DPH6: variants seen among roughly 807,000 people sequenced by gnomAD.
DPH6 encodes diphthine--ammonia ligase.
A neutral mutation model predicts 38.2 loss-of-function variants in DPH6; 33 were observed. That is an observed-to-expected ratio of 0.86 (90% CI 0.65 to 1.15). The LOEUF (loss-of-function observed/expected upper bound fraction) is 1.15, where lower values mean the gene tolerates loss of function less well. DPH6 is among the 50% of genes most tolerant of loss of function. The pLI is 0.00. For synonymous variants in DPH6, 108 were observed against 103.0 expected (o/e 1.05, Z -0.30); for missense variants, 325 against 320.0 (o/e 1.02, Z -0.12).
intron 5 of DPH6, among the ~76,000 whole-genome samples, chr15:35,424,093 T>C (rs2053539581): frequency 2.0e-5 from 3 of 151,658 alleles, no homozygotes; most frequent in African/African-American, 7.2e-5. Context: ...TCTATTTTTA[T>C]AAAGAATGCC....
intron 3 of DPH6, among the ~76,000 whole-genome samples, chr15:35,236,171 C>T (rs2051549494): frequency 1.3e-5 from 2 of 152,146 alleles, no homozygotes; most frequent in South Asian, 2.1e-4. Context: ...ATAATTATTT[C>T]ATTTTGTAAA....
At chr15:35,444,732 T>A (rs2053828982) in intron 5 of DPH6, among the ~76,000 whole-genome samples, 2 of 152,212 alleles carry the variant, frequency 1.3e-5, no homozygotes, top group Non-Finnish European at 2.9e-5. Context: ...AAAGCTTTCT[T>A]GTCCCTCTAG....
chr15:35,390,094 T>C (rs1043355571), intron 6 of DPH6, among the ~76,000 whole-genome samples: 1 of 152,140 alleles, frequency 6.6e-6, no homozygotes, highest in Non-Finnish European at 1.5e-5. Context: ...TTTCTCCTTC[T>C]CTTATGAAGC....
the DPH6 span, among the ~76,000 whole-genome samples, chr15:35,209,218 ATAT>A: frequency 6.6e-6 from 1 of 152,154 alleles, no homozygotes; most frequent in African/African-American, 2.4e-5. Flanking sequence ...TAGGTAGATA[ATAT>A]TATCTGCAAA....
At chr15:35,208,872 G>A in the DPH6 span, among the ~76,000 whole-genome samples, 1 of 151,948 alleles carries the variant, frequency 6.6e-6, no homozygotes, top group Non-Finnish European at 1.5e-5. Flanking sequence ...TATTCCATGG[G>A]AGACTTGATT....
At chr15:35,200,959 C>T in the DPH6 span, among the ~76,000 whole-genome samples, 1 of 146,272 alleles carries the variant, frequency 6.8e-6, no homozygotes, top group African/African-American at 2.5e-5. Flanking sequence ...ACTAAAATCA[C>T]CTGCAATTAT....
At chr15:35,484,504 T>C (rs2054370554) in intron 3 of DPH6, among the ~76,000 whole-genome samples, 1 of 152,196 alleles carries the variant, frequency 6.6e-6, no homozygotes, top group Non-Finnish European at 1.5e-5. Flanking sequence ...CAGTTCCTTG[T>C]GGTCTGTTGG....
At chr15:35,391,224 T>G (rs2053051946) in intron 6 of DPH6, among the ~76,000 whole-genome samples, 1 of 152,120 alleles carries the variant, frequency 6.6e-6, no homozygotes, top group African/African-American at 2.4e-5. Context: ...GAGGAGTACC[T>G]GGCTGTGCGA....
intron 3 of DPH6, among the ~76,000 whole-genome samples, chr15:35,332,947 C>T (rs564405639): frequency 2.5e-4 from 38 of 152,064 alleles, no homozygotes; most frequent in African/African-American, 8.4e-4. Context: ...AGTTTCATTT[C>T]AGTCCTCTTC....
intron 5 of DPH6, among the ~76,000 whole-genome samples, chr15:35,419,068 TACACACACACAC>T (rs145718698): frequency 6.9e-6 from 1 of 144,948 alleles, no homozygotes; most frequent in Non-Finnish European, 1.5e-5. Context: ...CACACACACA[TACACACACACAC>T]ACACACACAC....
chr15:35,436,509 C>CAAAAA (rs1491101707), intron 5 of DPH6, among the ~76,000 whole-genome samples: 11 of 107,548 alleles, frequency 1.0e-4, no homozygotes, highest in South Asian at 6.7e-4. Context: ...CAAAACAAAA[C>CAAAAA]AAAACAAAAA....
chr15:35,359,649 A>C (rs560829737), intron 3 of DPH6, among the ~76,000 whole-genome samples: 1 of 152,102 alleles, frequency 6.6e-6, no homozygotes, highest in Non-Finnish European at 1.5e-5. Flanking sequence ...CAGTTTAGCC[A>C]GTGGGTGCAT....
At chr15:35,496,012 C>T (rs1423934019) in intron 3 of DPH6, among the ~76,000 whole-genome samples, 9 of 152,084 alleles carry the variant, frequency 5.9e-5, no homozygotes, top group African/African-American at 1.7e-4. Context: ...AAAAATGAAT[C>T]CTTACTCTTA....
At chr15:35,443,069 G>A (rs998118773) in intron 5 of DPH6, among the ~76,000 whole-genome samples, 48 of 152,098 alleles carry the variant, frequency 3.2e-4, no homozygotes, top group South Asian at 2.1e-4. Flanking sequence ...AAAACATAAG[G>A]AATGTGTAGT....
chr15:35,264,979 C>A (rs111888255), intron 3 of DPH6, among the ~76,000 whole-genome samples: 6 of 152,216 alleles, frequency 3.9e-5, no homozygotes, highest in Middle Eastern at 3.4e-3. Flanking sequence ...TCAGAAGGAA[C>A]TGACTGAAAG....
rs538854827 is a variant in DPH6 at position 35,218,280 on chromosome 15, C to T, written n.2503G>A. 5.9e-5 allele frequency: 9 copies of T among 152,248 alleles called. No homozygotes were observed. In the East Asian group the frequency reaches 7.7e-4, roughly 13 times the overall value. The allele number at this position is 152,248 out of a possible 1,614,324, so 9.4% of individuals were successfully genotyped here. On this transcript the variant is annotated non_coding_transcript_exon_variant, in exon 4 of 4. Transcript: ENST00000560386. ...TAACATAGTATTTGTTCAAAGAGAA[C>T]GAAACACCTTTTTCTAAGGGTGATT...
the DPH6 span, among the ~76,000 whole-genome samples, chr15:35,170,123 G>A: frequency 3.3e-4 from 50 of 152,188 alleles, no homozygotes; most frequent in East Asian, 9.1e-3. Context: ...ATCAACTGTC[G>A]GTCAGTGTCA....
At chr15:35,264,048 C>T (rs2051767061) in intron 3 of DPH6, among the ~76,000 whole-genome samples, 1 of 151,630 alleles carries the variant, frequency 6.6e-6, no homozygotes, top group South Asian at 2.1e-4. Flanking sequence ...TTTTCTAGTC[C>T]ATGCTGACTT....
the DPH6 span, among the ~76,000 whole-genome samples, chr15:35,160,631 G>A: frequency 1.3e-5 from 2 of 151,626 alleles, no homozygotes; most frequent in Admixed American, 6.6e-5. Context: ...GTAGGCCCCC[G>A]GGTCTATTCT....
Sources: allele counts gnomAD v4.1 joint callset (sites outside exome capture counted in the v4.1 genomes callset), GRCh38; gene constraint gnomAD v4.1.1; transcripts MANE v1.5; gene names NCBI Gene and HGNC (gene_info 2026-07-23, HGNC 2026-07-21).